The following VEGFC variants were observed in gnomAD, a reference collection of about 807,000 sequenced individuals.
The protein encoded by VEGFC is vascular endothelial growth factor C.
In VEGFC, 12 loss-of-function variants were observed where a neutral mutation model predicts 46.1. The observed-to-expected ratio is 0.26, with a 90% CI of 0.17 to 0.42. The LOEUF (loss-of-function observed/expected upper bound fraction) is 0.42. Ranked by LOEUF, VEGFC falls within the 10% of genes least tolerant of loss-of-function variation. VEGFC has a pLI of 1.00. For synonymous variants in VEGFC, 232 were observed against 195.5 expected (o/e 1.19, Z -1.56); for missense variants, 488 against 529.4 (o/e 0.92, Z 0.77).
chr4:176,784,832 A>T (rs1268323571), intron 1 of VEGFC, among the ~76,000 whole-genome samples: 2 of 152,032 alleles, frequency 1.3e-5, no homozygotes, highest in Non-Finnish European at 2.9e-5. Flanking sequence ...AAAAATTAAA[A>T]ATTAAAAATT....
At chr4:176,697,649 A>G (rs1388292240) in intron 4 of VEGFC, among the ~76,000 whole-genome samples, 2 of 151,832 alleles carry the variant, frequency 1.3e-5, no homozygotes, top group Non-Finnish European at 1.5e-5. Flanking sequence ...ATACCCAAAG[A>G]ACTATAAATC....
chr4:176,750,051 T>G (rs932220568), intron 1 of VEGFC, among the ~76,000 whole-genome samples: 16 of 151,820 alleles, frequency 1.1e-4, no homozygotes, highest in Admixed American at 4.6e-4. Context: ...ATGGAAAATT[T>G]GAAAGAACTA....
chr4:176,691,917 A>C (rs1734187935), intron 4 of VEGFC, among the ~76,000 whole-genome samples: 2 of 152,180 alleles, frequency 1.3e-5, no homozygotes, highest in Admixed American at 1.3e-4. Context: ...AGTGCCAGAC[A>C]GTGGGCGCAG....
In VEGFC at chr4:176,739,986, TATA is replaced by T. The variant is rs1317113900; in HGVS notation, c.148-10243_148-10241del. On this transcript the variant is annotated intron_variant, in intron 1 of 6. Transcript: ENST00000618562. ...TCGATATATCGAATATATATAACTA[TATA>T]TTCGATATATCGAATATATATAACT... Among the ~76,000 whole-genome samples, 8 of 12,700 alleles carry T rather than the reference TATA, an allele frequency of 6.3e-4. 1 individual carries two copies. The highest frequency in any genetic ancestry group is 0.023 in the South Asian group (2 of 86). 8.3% of individuals were successfully genotyped at this position (12,700 alleles called of 152,430 possible). A position where few individuals can be genotyped will look rare whatever the true frequency, so the allele number is the denominator to read the frequency against.
chr4:176,760,927 A>G (rs756576633), intron 1 of VEGFC, among the ~76,000 whole-genome samples: 1 of 152,200 alleles, frequency 6.6e-6, no homozygotes, highest in African/African-American at 2.4e-5. Flanking sequence ...TGTTTCGCAC[A>G]TGGCAAAATC....
At chr4:176,784,744 C>A (rs1207104985) in intron 1 of VEGFC, among the ~76,000 whole-genome samples, 7 of 91,638 alleles carry the variant, frequency 7.6e-5, no homozygotes, top group Non-Finnish European at 9.8e-5. Flanking sequence ...GCTACAGAGC[C>A]AGAGTCTGTC....
intron 1 of VEGFC, among the ~76,000 whole-genome samples, chr4:176,764,710 T>C (rs538360221): frequency 8.5e-5 from 13 of 152,296 alleles, no homozygotes; most frequent in African/African-American, 3.1e-4. Flanking sequence ...TCTAGCCATG[T>C]CATATTCTAA....
chr4:176,721,379 C>A (rs755828106), intron 3 of VEGFC, among the ~76,000 whole-genome samples: 4 of 152,012 alleles, frequency 2.6e-5, no homozygotes, highest in Non-Finnish European at 5.9e-5. Context: ...CCCAATAAGG[C>A]AATGTTATCA....
chr4:176,770,228 C>T (rs542231439), intron 1 of VEGFC, among the ~76,000 whole-genome samples: 4 of 152,208 alleles, frequency 2.6e-5, no homozygotes, highest in African/African-American at 9.6e-5. Context: ...AACTTCTTTC[C>T]ACAGCTACCT....
chr4:176,734,112 CA>C (rs1435841897), intron 1 of VEGFC, among the ~76,000 whole-genome samples: 5 of 151,796 alleles, frequency 3.3e-5, no homozygotes. Context: ...TGCTTCTAGT[CA>C]CCAGCTAGGT....
intron 3 of VEGFC, 98 bp downstream of exon 3, chr4:176,727,680 T>A: frequency 7.7e-7 from 1 of 1,291,222 alleles, no homozygotes; most frequent in South Asian, 1.9e-5. Context: ...TTGAACCAAG[T>A]TAGTTTAAAG....
chr4:176,687,225 G>A lies in VEGFC; in HGVS notation c.1107C>T (p.Cys369=). ...ACECTESPQK[C]LLKGKKFHHQ... is the part of the protein sequence containing the mutation. ...GGTGGAACTTCTTTCCTTTTAACAA[G>A]CATTTCTGTGGACTTTCTGTACATT... Residue 369 remains cysteine (C), a synonymous_variant, in exon 6 of 7, where the codon TGC becomes TGT. Transcript: ENST00000618562. 6.8e-6 allele frequency: 11 copies of A among 1,613,744 alleles called. No homozygotes were observed. Among genetic ancestry groups the A allele is most frequent in the Non-Finnish European group, 7.6e-6 (9 of 1,179,918 alleles).
intron 1 of VEGFC, among the ~76,000 whole-genome samples, chr4:176,791,437 A>C (rs1193910458): frequency 6.6e-6 from 1 of 152,198 alleles, no homozygotes; most frequent in African/African-American, 2.4e-5. Flanking sequence ...CAGGCAAAGG[A>C]TTAAACACCT....
Position 176,687,825 on chromosome 4 carries a change from T to G in VEGFC, c.807A>C (p.Gly269=). ...TTAAAGCATCATTCTGCTTACCATC[T>G]CCAGCATCCGAGGAAAACATAAAAT... ...QEDFMFSSDA[G]DDSTDGFHDI... Residue 269 remains glycine (G), a synonymous_variant, in exon 5 of 7, where the codon GGA becomes GGC. Transcript: ENST00000618562. The G allele has an allele frequency of 1.2e-6, 2 of 1,607,976 alleles. No individual in the cohort carries two copies. Among genetic ancestry groups the G allele is most frequent in the South Asian group, 2.2e-5 (2 of 90,590 alleles).
chr4:176,707,169 T>C (rs1434109473), intron 4 of VEGFC, among the ~76,000 whole-genome samples: 3 of 152,220 alleles, frequency 2.0e-5, no homozygotes, highest in African/African-American at 7.2e-5. Flanking sequence ...TTTCCAGTTA[T>C]TGACTAATAA....
chr4:176,709,064 C>G (rs1203497596), intron 4 of VEGFC, among the ~76,000 whole-genome samples: 1 of 152,142 alleles, frequency 6.6e-6, no homozygotes, highest in Non-Finnish European at 1.5e-5. Context: ...CTTCCTGTCT[C>G]TTCTTGACCT....
At chr4:176,770,766 A>C (rs994576499) in intron 1 of VEGFC, among the ~76,000 whole-genome samples, 3 of 152,096 alleles carry the variant, frequency 2.0e-5, no homozygotes, top group African/African-American at 4.8e-5. Context: ...AAGCTATGAG[A>C]ATTCCACTGC....
At chr4:176,738,102 A>G (rs542731337) in intron 1 of VEGFC, among the ~76,000 whole-genome samples, 1 of 152,224 alleles carries the variant, frequency 6.6e-6, no homozygotes, top group African/African-American at 2.4e-5. Context: ...AGGAAGAATC[A>G]ATATCATGAA....
At chr4:176,700,254 T>TA (rs1734403944) in intron 4 of VEGFC, among the ~76,000 whole-genome samples, 1 of 152,068 alleles carries the variant, frequency 6.6e-6, no homozygotes, top group South Asian at 2.1e-4. Flanking sequence ...CCATCTCTAC[T>TA]AAAAATATAC....
Sources: allele counts gnomAD v4.1 joint callset (sites outside exome capture counted in the v4.1 genomes callset), GRCh38; gene constraint gnomAD v4.1.1; transcripts MANE v1.5; gene names NCBI Gene and HGNC (gene_info 2026-07-23, HGNC 2026-07-21).